FLOT2: variants seen among roughly 807,000 people sequenced by gnomAD.
The protein encoded by FLOT2 is flotillin-2.
A neutral mutation model predicts 54.9 loss-of-function variants in FLOT2; 35 were observed. The ratio of observed to expected loss-of-function variants is 0.64; its 90% CI spans 0.49 to 0.84. FLOT2 has a LOEUF of 0.84. Among genes scored for constraint, FLOT2 ranks in the 40% least tolerant of loss-of-function variants. The pLI, the probability that FLOT2 is intolerant of heterozygous loss-of-function variation, is 0.00. For missense variants in FLOT2, 464 were observed against 572.1 expected (o/e 0.81, Z 1.93); for synonymous variants, 207 against 228.9 (o/e 0.90, Z 0.86).
In FLOT2 at chr17:28,880,376, A is replaced by C. The variant is rs749752560; in HGVS notation, c.*185T>G. ...CAGTGAAAGTGGGGTAAAGGAGAGGAAGAGGAGGAGGTGGACAGACAGGAG... is the reference window on the plus strand; with the variant it reads ...CAGTGAAAGTGGGGTAAAGGAGAGGCAGAGGAGGAGGTGGACAGACAGGAG... On this transcript the variant is annotated 3_prime_UTR_variant, in exon 11 of 11. Transcript: ENST00000394908. 9.0e-5 allele frequency: 131 copies of C among 1,447,750 alleles called. No individual in the cohort carries two copies. The highest frequency in any genetic ancestry group is 1.2e-4 in the Non-Finnish European group (127 of 1,101,932). 89.7% of individuals were successfully genotyped at this position (1,447,750 alleles called of 1,614,324 possible). A position where few individuals can be genotyped will look rare whatever the true frequency, so the allele number is the denominator to read the frequency against.
At position 28,889,104 on chromosome 17, in the gene FLOT2, T is replaced by C. The variant is rs2039601060; in HGVS notation, c.50-78A>G. Reference sequence around the variant, plus strand: ...CCTCCAGCCCACTGATAGCAACTTTTGTCCTTTACCTGCTCTGATACTTGA... The same window carrying C: ...CCTCCAGCCCACTGATAGCAACTTTCGTCCTTTACCTGCTCTGATACTTGA... On this transcript the variant is annotated intron_variant, in intron 1 of 10. Coordinates refer to ENST00000394908, the MANE Select transcript of FLOT2 (RefSeq NM_004475.3). The C allele has an allele frequency of 5.7e-6, 7 of 1,220,022 alleles. No individual in the cohort carries two copies. The South Asian group carries it at 8.7e-5, about 15-fold the overall frequency. The allele number at this position is 1,220,022 out of a possible 1,614,324, so 75.6% of individuals were successfully genotyped here.
rs776830809 is a variant in FLOT2, at chr17:28,888,997, ACT to A, written c.77_78del (p.Gln26LeufsTer63). The A allele has an allele frequency of 6.2e-7, 1 of 1,614,032 alleles. No individual in the cohort carries two copies. The highest frequency in any genetic ancestry group is 1.3e-5 in the African/African-American group (1 of 74,920). On this transcript the variant is annotated frameshift_variant, in exon 2 of 11. Transcript: ENST00000394908. LOFTEE classifies it high-confidence loss of function. ...SGGCCGSDYKQYVFGGWAWAW... is the reference protein window; with the variant it reads ...SGGCCGSDYKXYVFGGWAWAW... ...GCCCAGGCCCAGCCGCCAAACACGT[ACT>A]GTTTATAGTCGGAACCACAACAGCC...
At chr17:28,885,904 T>C in intron 2 of FLOT2, 1 of 1,550,408 alleles carries the variant, frequency 6.4e-7, no homozygotes, top group Non-Finnish European at 8.7e-7. Context: ...GACGTCTCAA[T>C]ATTCTCACAG....
chr17:28,885,437 C>T (rs747885933), intron 2 of FLOT2, among the ~76,000 whole-genome samples: 5 of 152,182 alleles, frequency 3.3e-5, no homozygotes, highest in Non-Finnish European at 5.9e-5. Flanking sequence ...TCCTGCAGTC[C>T]ACATGCCTCA....
rs2039420921 is a variant in FLOT2, at chr17:28,880,059, T to G, written c.*502A>C. 28 of 991,396 alleles carry G rather than the reference T, an allele frequency of 2.8e-5. No individual in the cohort carries two copies. Among genetic ancestry groups the G allele is most frequent in the Non-Finnish European group, 3.4e-5 (28 of 834,018 alleles). The allele number at this position is 991,396 out of a possible 1,614,324, so 61.4% of individuals were successfully genotyped here. A position where few individuals can be genotyped will look rare whatever the true frequency, so the allele number is the denominator to read the frequency against. On this transcript the variant is annotated 3_prime_UTR_variant, in exon 11 of 11. Coordinates refer to ENST00000394908, the MANE Select transcript of FLOT2 (RefSeq NM_004475.3). Reference sequence around the variant, plus strand: ...GGCAGCAGCAGGTGAGGCTGTGGGCTTCCTGGGGCAGGGTTTAGGGCTGGG... The same window carrying G: ...GGCAGCAGCAGGTGAGGCTGTGGGCGTCCTGGGGCAGGGTTTAGGGCTGGG...
chr17:28,887,922 C>A (rs2039577066), intron 2 of FLOT2, among the ~76,000 whole-genome samples: 1 of 152,162 alleles, frequency 6.6e-6, no homozygotes, highest in Non-Finnish European at 1.5e-5. Flanking sequence ...GAAGTTAATC[C>A]ATTGTGCCAT....
At chr17:28,880,975 G>A in intron 9 of FLOT2, 113 bp from the exon 10 acceptor site, 3 of 1,377,402 alleles carry the variant, frequency 2.2e-6, no homozygotes, top group Non-Finnish European at 3.0e-6. Context: ...CAGCCTGGGT[G>A]GCCCTTAGTC....
At chr17:28,895,728 A>G (rs575314867) in intron 1 of FLOT2, among the ~76,000 whole-genome samples, 1 of 152,138 alleles carries the variant, frequency 6.6e-6, no homozygotes, top group East Asian at 1.9e-4. Context: ...CCATCCCCCG[A>G]CCCCATCCAA....
At chr17:28,887,807 C>CT (rs931970550) in intron 2 of FLOT2, among the ~76,000 whole-genome samples, 1 of 152,242 alleles carries the variant, frequency 6.6e-6, no homozygotes, top group Non-Finnish European at 1.5e-5. Context: ...ACTGATTACT[C>CT]TGACACTTTG....
rs537311338 is a variant in FLOT2 at position 28,884,126 on chromosome 17, G to A, written c.222+99C>T. The A allele has an allele frequency of 1.1e-6, 1 of 901,498 alleles. No individual in the cohort carries two copies. The highest frequency in any genetic ancestry group is 1.8e-6 in the Non-Finnish European group (1 of 543,036). 55.8% of individuals were successfully genotyped at this position (901,498 alleles called of 1,614,324 possible). A position where few individuals can be genotyped will look rare whatever the true frequency, so the allele number is the denominator to read the frequency against. Reference sequence around the variant, plus strand: ...CTTGCGGGGGCTGGGGTGCTGGAGAGAGACTGCCCCTGGCTGCTGTCCTCT... The same window carrying A: ...CTTGCGGGGGCTGGGGTGCTGGAGAAAGACTGCCCCTGGCTGCTGTCCTCT... On this transcript the variant is annotated intron_variant, in intron 3 of 10. Transcript: ENST00000394908. This position sits in a 1 kb window ranked among gnomAD's most constrained non-coding sequence, Gnocchi z 5.1.
In FLOT2 at chr17:28,882,930, C is replaced by T. The variant is rs2039481036; in HGVS notation, c.346+178G>A. On this transcript the variant is annotated intron_variant, in intron 4 of 10. Coordinates refer to ENST00000394908, the MANE Select transcript of FLOT2 (RefSeq NM_004475.3). The surrounding 1 kb of genome is among the most constrained non-coding windows in gnomAD (Gnocchi z 5.6). ...AGCAGACCGACAGCCCCCATCCCAC[C>T]CCTTCACTCATACCCTCTCCTTAAC... 1.5e-6 allele frequency: 1 copy of T among 681,966 alleles called. No homozygotes were observed. The highest frequency in any genetic ancestry group is 2.4e-6 in the Non-Finnish European group (1 of 408,570). The allele number at this position is 681,966 out of a possible 1,614,324, so 42.2% of individuals were successfully genotyped here.
chr17:28,889,132 A>G (rs909185665), intron 1 of FLOT2, 106 bp from the exon 2 acceptor site: 15 of 870,420 alleles, frequency 1.7e-5, no homozygotes, highest in Non-Finnish European at 2.4e-5. Context: ...ATACTTGACA[A>G]CGCCTACTGT....
In FLOT2 at chr17:28,886,063, G is replaced by GGC. The variant is rs938651660; in HGVS notation, c.132-1749_132-1748insGC. The GGC allele has an allele frequency of 1.7e-4, 105 of 610,584 alleles. 11 individuals carry two copies. The highest frequency in any genetic ancestry group is 1.4e-3 in the African/African-American group (67 of 48,808). 37.8% of individuals were successfully genotyped at this position (610,584 alleles called of 1,614,324 possible). The stretch of plus-strand genomic sequence containing the variant: ...CGATGCCTGACGCCTGGGGGCGGGG[G>GGC]GGGGCATGCTGTCAGTAATCCAACC... On this transcript the variant is annotated intron_variant, in intron 2 of 10. Coordinates refer to ENST00000394908, the MANE Select transcript of FLOT2 (RefSeq NM_004475.3).
At position 28,881,971 on chromosome 17, in the gene FLOT2, G is replaced by T. The variant is rs753714631; in HGVS notation, c.757C>A (p.Arg253=). The change falls in exon 8 of 11, where the codon CGG becomes AGG. Residue 253 remains arginine, a synonymous_variant. Transcript: ENST00000394908. Reference sequence around the variant, plus strand: ...ACCTCAATCTCAATCTCTTCCTGCCGGATCTTCTGCTGTTCACGGGCCCCC... The same window carrying T: ...ACCTCAATCTCAATCTCTTCCTGCCTGATCTTCTGCTGTTCACGGGCCCCC... ...LQGAREQQKI[R]QEEIEIEVVQ... is the part of the protein sequence containing the mutation. 2 of 1,614,076 alleles carry T rather than the reference G, an allele frequency of 1.2e-6. No homozygotes were observed. The highest frequency in any genetic ancestry group is 4.5e-5 in the East Asian group (2 of 44,882).
chr17:28,881,772 A>G (rs759556805), intron 8 of FLOT2, 42 bp downstream of exon 8: 32 of 1,571,682 alleles, frequency 2.0e-5, no homozygotes, highest in Middle Eastern at 1.9e-4. Flanking sequence ...AAGGCAGAGG[A>G]GCCTGACTAA....
At chr17:28,881,072 T>C in intron 9 of FLOT2, 120 bp downstream of exon 9, 1 of 1,080,186 alleles carries the variant, frequency 9.3e-7, no homozygotes, top group Non-Finnish European at 1.3e-6. Context: ...TGCTCCTCAT[T>C]TAACCCTTCT....
chr17:28,892,683 C>A (rs1375807459), intron 1 of FLOT2: 1 of 151,498 alleles, frequency 6.6e-6, no homozygotes, highest in African/African-American at 2.4e-5. Context: ...CAGACTCTTG[C>A]TCTGTTGCCC....
chr17:28,885,847 G>C, intron 2 of FLOT2: 2 of 1,520,774 alleles, frequency 1.3e-6, no homozygotes, highest in Non-Finnish European at 1.8e-6. Flanking sequence ...GGAAGCAGGT[G>C]GGTTATTACC....
At position 28,882,229 on chromosome 17, in the gene FLOT2, C is replaced by T; in HGVS notation, c.588G>A (p.Glu196=). The T allele has an allele frequency of 6.2e-7, 1 of 1,614,184 alleles. No individual in the cohort carries two copies. Among genetic ancestry groups the T allele is most frequent in the Non-Finnish European group, 8.5e-7 (1 of 1,180,036 alleles). ...AERDAGIREA[E]CKKEMLDVKF... ...TCACATCCAGCATCTCCTTCTTGCA[C>T]TCAGCTTCCTGGGGACAAAAGGGGC... Residue 196 remains glutamate, a synonymous_variant, in exon 7 of 11, where the codon GAG becomes GAA. Coordinates refer to ENST00000394908, the MANE Select transcript of FLOT2 (RefSeq NM_004475.3). This position sits in a 1 kb window ranked among gnomAD's most constrained non-coding sequence, Gnocchi z 5.6.
Sources: gnomAD v4.1 joint callset for allele counts (sites outside exome capture counted in the v4.1 genomes callset) on GRCh38, gnomAD v4.1.1 for gene constraint, Gnocchi (gnomAD v3.1) non-coding constraint, MANE v1.5 for transcripts, NCBI Gene and HGNC (gene_info 2026-07-23, HGNC 2026-07-21) for gene names.